ANLN: variants seen among roughly 807,000 people sequenced by gnomAD.
ANLN encodes the protein anillin.
In ANLN, 59 loss-of-function variants were observed where a neutral mutation model predicts 135.1. The ratio of observed to expected loss-of-function variants is 0.44; its 90% CI spans 0.35 to 0.54. The LOEUF (loss-of-function observed/expected upper bound fraction) is 0.54, where lower values mean the gene tolerates loss of function less well. Among genes scored for constraint, ANLN ranks in the 20% least tolerant of loss-of-function variants. The pLI is 0.00. For missense variants in ANLN, 1,182 were observed against 1,340.0 expected (o/e 0.88, Z 1.84); for synonymous variants, 406 against 456.4 (o/e 0.89, Z 1.41).
At chr7:36,393,947 C>A (rs566874278) in intron 1 of ANLN, among the ~76,000 whole-genome samples, 1 of 152,288 alleles carries the variant, frequency 6.6e-6, no homozygotes, top group Non-Finnish European at 1.5e-5. Flanking sequence ...CCTTGCCTGG[C>A]ATGGCCTTAG....
chr7:36,436,575 A>G (rs1369799497), intron 20 of ANLN, among the ~76,000 whole-genome samples: 2 of 152,158 alleles, frequency 1.3e-5, no homozygotes, highest in African/African-American at 2.4e-5. Flanking sequence ...TGATATTTCT[A>G]CCATTAATGT....
intron 3 of ANLN, among the ~76,000 whole-genome samples, chr7:36,402,180 T>C (rs77312302): frequency 9.0e-6 from 1 of 111,460 alleles, no homozygotes; most frequent in African/African-American, 3.9e-5. Flanking sequence ...GGCACAATCT[T>C]GGCCCACTGC....
At chr7:36,396,105 G>A (rs1266715097) in intron 1 of ANLN, among the ~76,000 whole-genome samples, 161 bp from the exon 2 acceptor site, 2 of 152,014 alleles carry the variant, frequency 1.3e-5, no homozygotes, top group South Asian at 2.1e-4. Context: ...ATGACATTGG[G>A]GTACTCATTT....
chr7:36,441,484 G>T (rs1422417246), intron 21 of ANLN, among the ~76,000 whole-genome samples: 2 of 152,204 alleles, frequency 1.3e-5, no homozygotes, highest in Admixed American at 6.5e-5. Flanking sequence ...TTCCTTTCCT[G>T]ATGTGCCAGG....
rs1408242735 is a variant in ANLN at position 36,402,325 on chromosome 7, C to T, written c.487+2932C>T. On this transcript the variant is annotated intron_variant, in intron 3 of 23. Transcript: ENST00000265748. ...ACAAGATTTCACCATGTTGGCCAGG[C>T]TGGTCTCAAACTCCTGACCTCAGGT... Among the ~76,000 whole-genome samples the T allele has an allele frequency of 1.4e-5, 2 of 146,996 alleles. 1 individual carries two copies. Among genetic ancestry groups the T allele is most frequent in the Non-Finnish European group, 3.0e-5 (2 of 66,596 alleles).
At chr7:36,436,883 A>G (rs1788569200) in intron 20 of ANLN, among the ~76,000 whole-genome samples, 1 of 152,170 alleles carries the variant, frequency 6.6e-6, no homozygotes, top group Admixed American at 6.5e-5. Context: ...TATTCTGGAT[A>G]TTATCAGATA....
At position 36,398,781 on chromosome 7, in the gene ANLN, C is replaced by A. The variant is rs114387561; in HGVS notation, c.173-298C>A. On this transcript the variant is annotated intron_variant, in intron 2 of 23. Coordinates refer to ENST00000265748, the MANE Select transcript of ANLN (RefSeq NM_018685.5). ...CCTCGCCCCCCTTCCGCTCTTCCCCCCAAGTCCCCAGAGTCCATTGCATCC... is the reference window on the plus strand; with the variant it reads ...CCTCGCCCCCCTTCCGCTCTTCCCCACAAGTCCCCAGAGTCCATTGCATCC... 2.6e-4 allele frequency among the ~76,000 whole-genome samples: 39 copies of A among 150,890 alleles called. 1 individual carries two copies. Among genetic ancestry groups the A allele is most frequent in the Non-Finnish European group, 4.6e-4 (31 of 67,804 alleles).
At chr7:36,439,825 T>TGTTG (rs1788693345) in intron 21 of ANLN, among the ~76,000 whole-genome samples, 1 of 152,094 alleles carries the variant, frequency 6.6e-6, no homozygotes, top group Non-Finnish European at 1.5e-5. Flanking sequence ...TGCATGTGAT[T>TGTTG]GGTGGGTGGG....
chr7:36,413,191 A>C (rs535312450), intron 7 of ANLN, among the ~76,000 whole-genome samples: 1 of 152,230 alleles, frequency 6.6e-6, no homozygotes, highest in East Asian at 1.9e-4. Context: ...ATCTGAAAAA[A>C]AAAACAACTC....
rs756822398 is a variant in ANLN, at chr7:36,399,273, C to T, written c.367C>T (p.Leu123=). 6.2e-6 allele frequency: 10 copies of T among 1,614,060 alleles called. No individual in the cohort carries two copies. The highest frequency in any genetic ancestry group is 8.5e-6 in the Non-Finnish European group (10 of 1,180,036). The change falls in exon 3 of 24, where the codon CTG becomes TTG. Residue 123 remains leucine (L), a synonymous_variant. Transcript: ENST00000265748. ...TGATTCTGTTGCTGTCCCGGCATCA[C>T]TGCTGGGCATGAGGAGAGGGCTGAA... ...ISDSVAVPAS[L]LGMRRGLNSR...
chr7:36,451,702 G>A (rs1397991606), intron 23 of ANLN, among the ~76,000 whole-genome samples: 1 of 152,138 alleles, frequency 6.6e-6, no homozygotes, highest in African/African-American at 2.4e-5. Context: ...ACTTATTCAT[G>A]TTTACACCAT....
At chr7:36,419,041 A>G (rs777441390) in intron 9 of ANLN, among the ~76,000 whole-genome samples, 2 of 151,652 alleles carry the variant, frequency 1.3e-5, no homozygotes, top group Non-Finnish European at 2.9e-5. Flanking sequence ...ACCAATATTC[A>G]TTTCTTAGAA....
chr7:36,394,856 C>T (rs1022539508), intron 1 of ANLN, among the ~76,000 whole-genome samples: 3 of 152,104 alleles, frequency 2.0e-5, no homozygotes, highest in African/African-American at 7.2e-5. Context: ...AATTGTTTTA[C>T]AGGGTCTTGT....
intron 20 of ANLN, among the ~76,000 whole-genome samples, chr7:36,432,392 A>G (rs1420335987): frequency 2.6e-5 from 4 of 152,154 alleles, no homozygotes; most frequent in Non-Finnish European, 5.9e-5. Context: ...TTATCAAACC[A>G]TCCTTTGCTG....
chr7:36,447,921 A>G (rs377658625), intron 22 of ANLN, among the ~76,000 whole-genome samples: 2 of 152,054 alleles, frequency 1.3e-5, no homozygotes, highest in East Asian at 1.9e-4. Flanking sequence ...CTGTATGACT[A>G]TTCTTGGTCC....
At chr7:36,415,480 T>C (rs1300998581) in intron 7 of ANLN, among the ~76,000 whole-genome samples, 2 of 152,070 alleles carry the variant, frequency 1.3e-5, no homozygotes, top group Non-Finnish European at 2.9e-5. Flanking sequence ...TTGATTGGCT[T>C]ATCTAAAACT....
chr7:36,424,510 C>T (rs552544950), intron 15 of ANLN, 35 bp from the exon 16 acceptor site: 2 of 1,540,982 alleles, frequency 1.3e-6, no homozygotes, highest in East Asian at 4.5e-5. Context: ...TTGAGGTTTT[C>T]TCTCAAGGTT....
intron 13 of ANLN, among the ~76,000 whole-genome samples, chr7:36,422,410 C>T (rs940059436): frequency 1.3e-5 from 2 of 152,002 alleles, no homozygotes; most frequent in African/African-American, 4.8e-5. Context: ...CAGATGATAC[C>T]ACACATGAAA....
chr7:36,422,470 A>G (rs899780624), intron 13 of ANLN, among the ~76,000 whole-genome samples, 163 bp from the exon 14 acceptor site: 9 of 152,180 alleles, frequency 5.9e-5, no homozygotes, highest in Admixed American at 3.9e-4. Flanking sequence ...TAAATGAGCA[A>G]CCAAGGTTTT....
Sources: gnomAD v4.1 joint callset for allele counts (sites outside exome capture counted in the v4.1 genomes callset) on GRCh38, gnomAD v4.1.1 for gene constraint, MANE v1.5 for transcripts, NCBI Gene and HGNC (gene_info 2026-07-23, HGNC 2026-07-21) for gene names.